Variants in TMC8 observed in about 807,000 individuals in gnomAD.
TMC8 encodes the protein transmembrane channel like 8.
TMC8 carries 71 observed loss-of-function variants against 76.0 expected under a neutral mutation model. That is an observed-to-expected ratio of 0.93 (90% confidence interval 0.77 to 1.14). The LOEUF (loss-of-function observed/expected upper bound fraction) is 1.14, where lower values mean the gene tolerates loss of function less well. TMC8 is among the 50% of genes most tolerant of loss of function. TMC8 has a pLI of 0.00. For missense variants in TMC8, 924 were observed against 947.9 expected (o/e 0.97, Z 0.33); for synonymous variants, 433 against 433.8 (o/e 1.00, Z 0.02).
In TMC8 at chr17:78,133,941, T is replaced by A; in HGVS notation, c.757T>A (p.Cys253Ser). ...SAKVFSSWDF[C>S]IRVQEAATIK... ...CAAGGTCTTCTCCTCATGGGACTTCTGCATCCGGGTGCAGGAAGCAGCCAC... is the reference window on the plus strand; with the variant it reads ...CAAGGTCTTCTCCTCATGGGACTTCAGCATCCGGGTGCAGGAAGCAGCCAC... The change falls in exon 7 of 16, where the codon TGC becomes AGC. Residue 253 changes from cysteine (C) to serine (S), a missense_variant. Physicochemically the swap from Cys to Ser is moderately radical, Grantham distance 112. Coordinates refer to ENST00000318430, the MANE Select transcript of TMC8 (RefSeq NM_152468.5). 2 of 1,613,644 alleles carry A rather than the reference T, an allele frequency of 1.2e-6. No homozygotes were observed. The highest frequency in any genetic ancestry group is 1.7e-6 in the Non-Finnish European group (2 of 1,180,034).
rs780544042 is a variant in TMC8 at position 78,138,172 on chromosome 17, C to T, written c.1517C>T (p.Thr506Ile). The T allele has an allele frequency of 1.2e-6, 2 of 1,613,846 alleles. No individual in the cohort carries two copies. Among genetic ancestry groups the T allele is most frequent in the Admixed American group, 3.3e-5 (2 of 60,002 alleles). ...PLLNSVFLFL[T>I]FYIKKYTLLK... ...CTGAATAGCGTCTTCCTCTTCCTCA[C>T]CTTCTACATCAAGAAGGTGACGGCT... The change falls in exon 12 of 16, where the codon ACC becomes ATC. Residue 506 changes from threonine (T) to isoleucine (I), a missense_variant. Transcript: ENST00000318430.
At position 78,139,745 on chromosome 17, in the gene TMC8, A is replaced by C. The variant is rs1017944184; in HGVS notation, c.1902+505A>C. Reference sequence around the variant, plus strand: ...TCTCTACTTAAAAAAAAAAAAAAAAAAAAAAAAACCGGGCACGGTGGTTCG... The same window carrying C: ...TCTCTACTTAAAAAAAAAAAAAAAACAAAAAAAACCGGGCACGGTGGTTCG... On this transcript the variant is annotated intron_variant, in intron 15 of 15. Transcript: ENST00000318430. Among the ~76,000 whole-genome samples the C allele has an allele frequency of 3.3e-5, 5 of 149,968 alleles. No homozygotes were observed. In the South Asian group the frequency reaches 1.1e-3, roughly 32 times the overall value.
At position 78,142,393 on chromosome 17, in the gene TMC8, C is replaced by A. The variant is rs527494246; in HGVS notation, c.*1281C>A. 2 of 152,418 alleles carry A rather than the reference C, an allele frequency of 1.3e-5. No individual in the cohort carries two copies. The highest frequency in any genetic ancestry group is 4.1e-4 in the South Asian group (2 of 4,840). The allele number at this position is 152,418 out of a possible 1,614,324, so 9.4% of individuals were successfully genotyped here. A position where few individuals can be genotyped will look rare whatever the true frequency, so the allele number is the denominator to read the frequency against. On this transcript the variant is annotated 3_prime_UTR_variant, in exon 16 of 16. Coordinates refer to ENST00000318430, the MANE Select transcript of TMC8 (RefSeq NM_152468.5). ...CACCAGTGACCAGCTCCTGGCTGGA[C>A]TCCTGGTCTGGACTCAGCATCAGGG...
At chr17:78,132,115 ACCTG>A (rs1459394690) in intron 3 of TMC8, 85 bp downstream of exon 3, 2 of 1,522,342 alleles carry the variant, frequency 1.3e-6, no homozygotes, top group Non-Finnish European at 1.8e-6. Context: ...GCATCATCCC[ACCTG>A]CCTTCACCCG....
In TMC8 at chr17:78,138,596, G is replaced by A. The variant is rs761173794; in HGVS notation, c.1687G>A (p.Gly563Ser). ...CAGCATCCACTCCTCCTGGGACTGC[G>A]GCCTCTTCACCAACTACTCAGCACC... ...VSSIHSSWDC[G>S]LFTNYSAPWQ... Residue 563 changes from glycine (G) to serine (S), a missense_variant, in exon 14 of 16, where the codon GGC becomes AGC. Physicochemically the swap from Gly to Ser is moderately conservative, Grantham distance 56. Transcript: ENST00000318430. 9.3e-6 allele frequency: 15 copies of A among 1,613,908 alleles called. No individual in the cohort carries two copies. In the Admixed American group the frequency reaches 1.5e-4, roughly 16 times the overall value.
chr17:78,133,801 T>A, intron 6 of TMC8, 52 bp from the exon 7 acceptor site: 1 of 1,611,530 alleles, frequency 6.2e-7, no homozygotes, highest in Non-Finnish European at 8.5e-7. Flanking sequence ...AGGCTGAGGC[T>A]GGATGGTAGA....
At chr17:78,134,073 T>C (rs1441298287) in intron 7 of TMC8, 73 bp downstream of exon 7, 6 of 1,606,626 alleles carry the variant, frequency 3.7e-6, no homozygotes, top group Non-Finnish European at 5.1e-6. Flanking sequence ...GAGCCACGTG[T>C]TCCAGGTGTG....
rs1567809938 is a variant in TMC8 at position 78,141,699 on chromosome 17, C to T, written c.*587C>T. 1.3e-5 allele frequency: 2 copies of T among 152,422 alleles called. No individual in the cohort carries two copies. The highest frequency in any genetic ancestry group is 4.1e-4 in the South Asian group (2 of 4,834). 9.4% of individuals were successfully genotyped at this position (152,422 alleles called of 1,614,324 possible). ...CAGGCACTCGGGCTCCAGAGCCACA[C>T]TGCCCCAGTGTGGGGCTTAGTGGCG... On this transcript the variant is annotated 3_prime_UTR_variant, in exon 16 of 16. Coordinates refer to ENST00000318430, the MANE Select transcript of TMC8 (RefSeq NM_152468.5).
chr17:78,131,459 G>C lies in TMC8; in HGVS notation c.-130G>C. On this transcript the variant is annotated 5_prime_UTR_variant, in exon 2 of 16. Coordinates refer to ENST00000318430, the MANE Select transcript of TMC8 (RefSeq NM_152468.5). ...CAGGCCCCGACGCCGGCGCAGAGGG[G>C]ACGGAAGGGCCCGCCCCCAGCCCAG... 1 of 1,353,308 alleles carries C rather than the reference G, an allele frequency of 7.4e-7. No homozygotes were observed. The highest frequency in any genetic ancestry group is 1.0e-6 in the Non-Finnish European group (1 of 984,862). The allele number at this position is 1,353,308 out of a possible 1,614,324, so 83.8% of individuals were successfully genotyped here.
chr17:78,137,726 A>G lies in TMC8; in HGVS notation c.1261A>G (p.Asn421Asp). 6.2e-7 allele frequency: 1 copy of G among 1,613,442 alleles called. No individual in the cohort carries two copies. Among genetic ancestry groups the G allele is most frequent in the Middle Eastern group, 1.6e-4 (1 of 6,062 alleles). Residue 421 changes from asparagine (N) to aspartate (D), a missense_variant, in exon 11 of 16, where the codon AAC becomes GAC. By Grantham distance (23) the Asn-to-Asp change is conservative. Coordinates refer to ENST00000318430, the MANE Select transcript of TMC8 (RefSeq NM_152468.5). The stretch of plus-strand genomic sequence containing the variant: ...TTCCCCTGCACCCCAGTGCTGGGAG[A>G]ACTCCGTGGGGGAGGAGCTGTACAA... ...YNVCDYQCWE[N>D]SVGEELYKLS...
intron 14 of TMC8, 187 bp downstream of exon 14, chr17:78,138,919 A>G (rs1461608266): frequency 6.5e-6 from 10 of 1,536,424 alleles, no homozygotes; most frequent in Non-Finnish European, 8.7e-6. Context: ...TTGCAGGATC[A>G]CTGGGGAAGC....
chr17:78,137,097 C>T (rs1567802167), intron 9 of TMC8, 138 bp from the exon 10 acceptor site: 2 of 1,371,036 alleles, frequency 1.5e-6, no homozygotes, highest in East Asian at 5.1e-5. Flanking sequence ...CACATTGCCA[C>T]AGACAGAGCA....
intron 3 of TMC8, 99 bp from the exon 4 acceptor site, chr17:78,132,260 C>A: frequency 1.4e-6 from 2 of 1,479,618 alleles, no homozygotes; most frequent in Non-Finnish European, 1.9e-6. Flanking sequence ...GGGAGCCTGG[C>A]GGGCACCCCA....
rs949289541 is a variant in TMC8 at position 78,132,236 on chromosome 17, G to A, written c.299-123G>A. 9.2e-6 allele frequency: 13 copies of A among 1,405,496 alleles called. No homozygotes were observed. The African/African-American group carries it at 1.7e-4, about 18-fold the overall frequency. 87.1% of individuals were successfully genotyped at this position (1,405,496 alleles called of 1,614,324 possible). A position where few individuals can be genotyped will look rare whatever the true frequency, so the allele number is the denominator to read the frequency against. On this transcript the variant is annotated intron_variant, in intron 3 of 15. Coordinates refer to ENST00000318430, the MANE Select transcript of TMC8 (RefSeq NM_152468.5). ...CCAGGTGACTGTCAGCGGTACCTCCGGACTCGGGCGGGTGGGAGCCTGGCG... is the reference window on the plus strand; with the variant it reads ...CCAGGTGACTGTCAGCGGTACCTCCAGACTCGGGCGGGTGGGAGCCTGGCG...
At position 78,137,307 on chromosome 17, in the gene TMC8, C is replaced by A. The variant is rs778888438; in HGVS notation, c.1200C>A (p.Gly400=). Residue 400 remains glycine, a synonymous_variant, in exon 10 of 16, where the codon GGC becomes GGA. Coordinates refer to ENST00000318430, the MANE Select transcript of TMC8 (RefSeq NM_152468.5). ...VSLGQTILCI[G]RDKSSCESYG... ...TGGGTCAGACCATACTGTGCATTGG[C>A]AGAGACAAGAGCAGCTGTGAGTCCT... 6.2e-7 allele frequency: 1 copy of A among 1,614,014 alleles called. No homozygotes were observed. Among genetic ancestry groups the A allele is most frequent in the African/African-American group, 1.3e-5 (1 of 75,034 alleles).
chr17:78,133,624 T>C, intron 6 of TMC8, 82 bp downstream of exon 6: 1 of 1,593,230 alleles, frequency 6.3e-7, no homozygotes, highest in Non-Finnish European at 8.5e-7. Context: ...ACCCTCCCAT[T>C]GGCAGGAAGG....
Position 78,138,487 on chromosome 17 carries a change from G to A in TMC8, c.1664+8G>A. 6.8e-6 allele frequency: 11 copies of A among 1,613,572 alleles called. No individual in the cohort carries two copies. Among genetic ancestry groups the A allele is most frequent in the Non-Finnish European group, 9.3e-6 (11 of 1,180,008 alleles). The stretch of plus-strand genomic sequence containing the variant: ...GGGCTATGTGGTCAGCAGGTGAGGG[G>A]AAGAGGAGGGGGGCACCCAGAGGCT... On this transcript the variant is annotated splice_region_variant and intron_variant, in intron 13 of 15. Coordinates refer to ENST00000318430, the MANE Select transcript of TMC8 (RefSeq NM_152468.5).
intron 6 of TMC8, 54 bp downstream of exon 6, chr17:78,133,596 C>T: frequency 1.2e-6 from 2 of 1,602,464 alleles, no homozygotes; most frequent in Non-Finnish European, 1.7e-6. Flanking sequence ...TCCCTGATCA[C>T]CCCTTCCTTG....
chr17:78,138,972 T>C, intron 14 of TMC8, 190 bp from the exon 15 acceptor site: 1 of 1,540,720 alleles, frequency 6.5e-7, no homozygotes. Flanking sequence ...TTGGTATTGC[T>C]GTGCCAGAGG....
Sources: gnomAD v4.1 joint callset for allele counts (sites outside exome capture counted in the v4.1 genomes callset) on GRCh38, gnomAD v4.1.1 for gene constraint, MANE v1.5 for transcripts, NCBI Gene and HGNC (gene_info 2026-07-23, HGNC 2026-07-21) for gene names.